LIPN: variants seen among roughly 807,000 people sequenced by gnomAD.
The protein encoded by LIPN is lipase member N.
Under a neutral mutation model 43.7 loss-of-function variants are expected in LIPN, and 32 were observed. That is an observed-to-expected ratio of 0.73 (90% CI 0.55 to 0.98). LIPN has a LOEUF of 0.98. Ranked by LOEUF, LIPN falls within the 50% of genes least tolerant of loss-of-function variation. The probability of loss-of-function intolerance (pLI) is 0.00; values close to 1 mark genes in which losing one functional copy is unlikely to be tolerated. For missense variants in LIPN, 505 were observed against 483.8 expected (o/e 1.04, Z -0.41); for synonymous variants, 156 against 157.6 (o/e 0.99, Z 0.08).
At chr10:88,765,739 T>A (rs990151125) in intron 4 of LIPN, among the ~76,000 whole-genome samples, 3 of 151,518 alleles carry the variant, frequency 2.0e-5, no homozygotes, top group Non-Finnish European at 4.4e-5. Context: ...GAGTCGTTTC[T>A]TTCATACTAT....
intron 6 of LIPN, 119 bp downstream of exon 6, chr10:88,769,047 ACT>A (rs1843161086): frequency 1.7e-5 from 17 of 988,228 alleles, no homozygotes; most frequent in Middle Eastern, 3.3e-4. Flanking sequence ...TAGAACTTAG[ACT>A]CTGTGGGTAT....
At position 88,762,281 on chromosome 10, in the gene LIPN, G is replaced by C; in HGVS notation, c.202G>C (p.Gly68Arg). The change falls in exon 3 of 10, where the codon GGG becomes CGG. Residue 68 changes from glycine to arginine, a missense_variant. Physicochemically the swap from Gly to Arg is moderately radical, Grantham distance 125. Coordinates refer to ENST00000404459, the MANE Select transcript of LIPN (RefSeq NM_001102469.2). The part of the protein sequence containing the change: ...YILLVNRIPY[G>R]RTHARSTGPR... ...ACTCCTTGTCAACAGAATTCCTTAT[G>C]GGCGAACACATGCTAGGAGCACAGG... 6.2e-6 allele frequency: 10 copies of C among 1,606,538 alleles called. No individual in the cohort carries two copies. The highest frequency in any genetic ancestry group is 8.5e-6 in the Non-Finnish European group (10 of 1,175,820).
In LIPN at chr10:88,767,022, T is replaced by TTAAAGTAAA. The variant is rs1843113508; in HGVS notation, c.535+645_535+646insAAAGTAAAT. 3.9e-5 allele frequency among the ~76,000 whole-genome samples: 6 copies of TTAAAGTAAA among 151,994 alleles called. No individual in the cohort carries two copies. The South Asian group carries it at 1.2e-3, about 31-fold the overall frequency. ...AATTTACTTACTTTACTTAATTTAC[T>TTAAAGTAAA]TTACAATTTACTTTCCAGGTATTTT... On this transcript the variant is annotated intron_variant, in intron 5 of 9. Transcript: ENST00000404459.
chr10:88,761,985 C>T (rs368675125), intron 2 of LIPN, among the ~76,000 whole-genome samples: 8 of 152,030 alleles, frequency 5.3e-5, no homozygotes, highest in African/African-American at 1.2e-4. Context: ...TTTCCCCCAA[C>T]CCCCCAAAAT....
At chr10:88,776,997 T>C (rs1298701312) in intron 9 of LIPN, among the ~76,000 whole-genome samples, 1 of 152,050 alleles carries the variant, frequency 6.6e-6, no homozygotes, top group Non-Finnish European at 1.5e-5. Flanking sequence ...TGTCACTCTG[T>C]TCTTATCAAC....
At chr10:88,767,899 A>G (rs1843134339) in intron 5 of LIPN, among the ~76,000 whole-genome samples, 1 of 151,480 alleles carries the variant, frequency 6.6e-6, no homozygotes, top group South Asian at 2.1e-4. Context: ...ATTTCCAAAC[A>G]CCCTCTGGGG....
At chr10:88,759,695 A>G (rs543327094), upstream of LIPN, among the ~76,000 whole-genome samples, 1 of 152,176 alleles carries the variant, frequency 6.6e-6, no homozygotes, top group South Asian at 2.1e-4. Context: ...CTCATGAAGG[A>G]TCAAATGGGG....
At chr10:88,766,402 A>T in intron 5 of LIPN, 24 bp downstream of exon 5, 1 of 1,404,208 alleles carries the variant, frequency 7.1e-7, no homozygotes. Flanking sequence ...GGTCACTGTT[A>T]GGTGTGTTTT....
rs1315292252 is a variant in LIPN, at chr10:88,764,545, G to C, written c.362G>C (p.Gly121Ala). 15 of 1,611,776 alleles carry C rather than the reference G, an allele frequency of 9.3e-6. No individual in the cohort carries two copies. The highest frequency in any genetic ancestry group is 1.3e-5 in the Non-Finnish European group (15 of 1,178,804). Residue 121 changes from glycine to alanine, a missense_variant, in exon 4 of 10, where the codon GGA (glycine) becomes GCA (alanine). Transcript: ENST00000404459. ...GYDVWMGNSR[G>A]NTWSRRHKTL... ...GATGTATGGATGGGAAACAGTCGGG[G>C]AAACACTTGGTCAAGAAGACACAAA...
chr10:88,769,427 A>G (rs1843167981), intron 6 of LIPN: 1 of 177,594 alleles, frequency 5.6e-6, no homozygotes. Flanking sequence ...CTCAAGTATT[A>G]ATTCAAATAT....
Position 88,778,003 on chromosome 10 carries a change from C to T in LIPN, c.964-6C>T, listed in dbSNP as rs1009516476. ...CTCATGAATGCCCTTGCTTTCTCTC[C>T]CACAGAGTCATCCCCCTATATATGA... On this transcript the variant is annotated splice_polypyrimidine_tract_variant and splice_region_variant and intron_variant, in intron 9 of 9. Transcript: ENST00000404459. 6.9e-6 allele frequency: 11 copies of T among 1,594,710 alleles called. No homozygotes were observed. The highest frequency in any genetic ancestry group is 9.5e-6 in the Non-Finnish European group (11 of 1,163,352).
At chr10:88,764,085 T>G (rs952284522) in intron 3 of LIPN, among the ~76,000 whole-genome samples, 6 of 151,970 alleles carry the variant, frequency 3.9e-5, no homozygotes, top group Non-Finnish European at 8.8e-5. Context: ...TACATAAAGT[T>G]TTGTTTCCAT....
At chr10:88,768,329 C>T (rs1843145900) in intron 5 of LIPN, among the ~76,000 whole-genome samples, 1 of 151,790 alleles carries the variant, frequency 6.6e-6, no homozygotes, top group Admixed American at 6.6e-5. Flanking sequence ...AAATTTCATT[C>T]CATAGTGAGA....
chr10:88,775,178 G>C lies in LIPN; in HGVS notation c.963+15G>C. On this transcript the variant is annotated intron_variant, in intron 9 of 9. Transcript: ENST00000404459. ...ATTACAATCAGGTGAGCTATTTACA[G>C]TAACCCCAGCATGCTGATTTTGATA... The C allele has an allele frequency of 2.0e-6, 3 of 1,502,364 alleles. No homozygotes were observed. Among genetic ancestry groups the C allele is most frequent in the Non-Finnish European group, 2.7e-6 (3 of 1,105,756 alleles). 93.1% of individuals were successfully genotyped at this position (1,502,364 alleles called of 1,614,324 possible).
chr10:88,766,584 TCTCTGGTCACA>T, intron 5 of LIPN, among the ~76,000 whole-genome samples: 1 of 152,026 alleles, frequency 6.6e-6, no homozygotes, highest in South Asian at 2.1e-4. Flanking sequence ...CTTTCCTGGG[TCTCTGGTCACA>T]GCAGCATATT....
In LIPN at chr10:88,778,999, G is replaced by A. The variant is rs1019182773; in HGVS notation, c.*757G>A. 2.0e-5 allele frequency among the ~76,000 whole-genome samples: 3 copies of A among 152,140 alleles called. No individual in the cohort carries two copies. Among genetic ancestry groups the A allele is most frequent in the Non-Finnish European group, 4.4e-5 (3 of 68,022 alleles). ...GGGTTTGAACATTCCATGAAAAACT[G>A]ACAGATAGGAAACTGACAATAAAAG... On this transcript the variant is annotated 3_prime_UTR_variant, in exon 10 of 10. Transcript: ENST00000404459.
At chr10:88,766,482 A>G (rs1843101556) in intron 5 of LIPN, 104 bp downstream of exon 5, 5 of 759,964 alleles carry the variant, frequency 6.6e-6, no homozygotes, top group Non-Finnish European at 1.2e-5. Context: ...TGTTACTTAT[A>G]GTGCCCTCAA....
At position 88,764,473 on chromosome 10, in the gene LIPN, A is replaced by T. The variant is rs1843056096; in HGVS notation, c.290A>T (p.Asn97Ile). Residue 97 changes from asparagine (N) to isoleucine (I), a missense_variant, in exon 4 of 10, where the codon AAT (asparagine) becomes ATT (isoleucine). Physicochemically the swap from Asn to Ile is moderately radical, Grantham distance 149. Transcript: ENST00000404459. ...GCAGACAATGCCTACTGGCTTGAGAATTATGCTAATGGAAGCCTTGGATTC... is the reference window on the plus strand; with the variant it reads ...GCAGACAATGCCTACTGGCTTGAGATTTATGCTAATGGAAGCCTTGGATTC... Reference protein sequence around the residue: ...LFADNAYWLENYANGSLGFLL... With the variant: ...LFADNAYWLEIYANGSLGFLL... 2 of 1,612,466 alleles carry T rather than the reference A, an allele frequency of 1.2e-6. No homozygotes were observed. The highest frequency in any genetic ancestry group is 1.1e-5 in the South Asian group (1 of 91,016).
intron 7 of LIPN, 82 bp from the exon 8 acceptor site, chr10:88,774,391 A>T (rs1843259846): frequency 1.2e-6 from 1 of 815,536 alleles, no homozygotes; most frequent in African/African-American, 1.7e-5. Flanking sequence ...TTGTTTGCTA[A>T]TTCTGTGCAT....
Sources: allele counts gnomAD v4.1 joint callset (sites outside exome capture counted in the v4.1 genomes callset), GRCh38; gene constraint gnomAD v4.1.1; transcripts MANE v1.5; gene names NCBI Gene and HGNC (gene_info 2026-07-23, HGNC 2026-07-21).